Variants in MAP7D2 observed in about 807,000 individuals in gnomAD.
MAP7D2 encodes MAP7 domain-containing protein 2.
Under a neutral mutation model 63.5 loss-of-function variants are expected in MAP7D2, and 33 were observed. The ratio of observed to expected loss-of-function variants is 0.52; its 90% CI spans 0.39 to 0.70. The LOEUF (loss-of-function observed/expected upper bound fraction) is 0.70. Ranked by LOEUF, MAP7D2 falls within the 30% of genes least tolerant of loss-of-function variation. The probability of loss-of-function intolerance (pLI) is 0.00; values close to 1 mark genes in which losing one functional copy is unlikely to be tolerated. For synonymous variants in MAP7D2, 224 were observed against 223.7 expected (o/e 1.00, Z -0.01); for missense variants, 626 against 604.0 (o/e 1.04, Z -0.38).
At chrX:20,030,451 T>A (rs1177504614) in intron 8 of MAP7D2, among the ~76,000 whole-genome samples, 4 of 112,093 alleles carry the variant, frequency 3.6e-5, no homozygotes, top group Non-Finnish European at 7.5e-5. Context: ...CATAAGGCAG[T>A]ATGATATAAC....
At chrX:20,026,432 G>A (rs2073846730) in intron 8 of MAP7D2, among the ~76,000 whole-genome samples, 1 of 111,497 alleles carries the variant, frequency 9.0e-6, no homozygotes, top group East Asian at 2.8e-4. Context: ...TCAGCCCCTG[G>A]CAATCACCCT....
At chrX:20,009,859 G>T (rs1375540186) in intron 16 of MAP7D2, among the ~76,000 whole-genome samples, 3 of 109,029 alleles carry the variant, frequency 2.8e-5, no homozygotes, top group African/African-American at 1.0e-4. Flanking sequence ...AGCTGGGCCT[G>T]GTGGCATGTG....
intron 8 of MAP7D2, among the ~76,000 whole-genome samples, chrX:20,041,394 A>C (rs1176048170): frequency 8.9e-6 from 1 of 112,222 alleles, no homozygotes; most frequent in Non-Finnish European, 1.9e-5. Context: ...TGTGCTATGG[A>C]AAGATTTTCC....
rs1236976171 is a variant in MAP7D2 at position 20,027,983 on chromosome X, A to G, written c.1008-2031T>C. Among the ~76,000 whole-genome samples, 6 of 110,625 alleles carry G rather than the reference A, an allele frequency of 5.4e-5. No individual in the cohort carries two copies. In the East Asian group the frequency reaches 1.7e-3, roughly 32 times the overall value. On this transcript the variant is annotated intron_variant, in intron 8 of 16. Transcript: ENST00000379643. ...GCACGTTGAGTCCTCATGTGTTCTGACACAGTCAGACCAGGTCCTTACCCT... is the reference window on the plus strand; with the variant it reads ...GCACGTTGAGTCCTCATGTGTTCTGGCACAGTCAGACCAGGTCCTTACCCT...
intron 1 of MAP7D2, among the ~76,000 whole-genome samples, chrX:20,106,674 A>C (rs1355292888): frequency 8.9e-6 from 1 of 112,641 alleles, no homozygotes; most frequent in Non-Finnish European, 1.9e-5. Flanking sequence ...CTAGAAGTGT[A>C]AAATAGACAT....
At chrX:20,050,428 G>T (rs2064915433) in intron 6 of MAP7D2, among the ~76,000 whole-genome samples, 3 of 112,073 alleles carry the variant, frequency 2.7e-5, no homozygotes, top group Non-Finnish European at 5.6e-5. Context: ...CCATCTTATA[G>T]ATGAGAAAAC....
At chrX:20,067,527 A>C (rs1467082340) in intron 1 of MAP7D2, among the ~76,000 whole-genome samples, 1 of 111,375 alleles carries the variant, frequency 9.0e-6, no homozygotes, top group Non-Finnish European at 1.9e-5. Context: ...CAGCCCAACC[A>C]CCCTATGATG....
chrX:20,106,029 G>C (rs755606697), intron 1 of MAP7D2, among the ~76,000 whole-genome samples: 1 of 111,849 alleles, frequency 8.9e-6, no homozygotes, highest in African/African-American at 3.2e-5. Context: ...GATACAGAGA[G>C]AGCAAATGGG....
At chrX:20,068,433 C>T (rs1044865020) in intron 1 of MAP7D2, among the ~76,000 whole-genome samples, 1 of 112,238 alleles carries the variant, frequency 8.9e-6, no homozygotes, top group African/African-American at 3.2e-5. Context: ...TTCTTCCACA[C>T]AGCATCTGCT....
intron 1 of MAP7D2, among the ~76,000 whole-genome samples, chrX:20,070,862 C>T (rs1319395038): frequency 8.9e-6 from 1 of 112,317 alleles, no homozygotes; most frequent in Non-Finnish European, 1.9e-5. Flanking sequence ...GCTTGAAGTA[C>T]TCTCCTATAG....
At chrX:20,091,096 A>C in intron 1 of MAP7D2, among the ~76,000 whole-genome samples, 1 of 99,138 alleles carries the variant, frequency 1.0e-5, no homozygotes, top group African/African-American at 3.8e-5. Flanking sequence ...CTTGTTGCCC[A>C]GGCTGGAGTG....
chrX:20,079,884 C>G (rs886740600), intron 1 of MAP7D2, among the ~76,000 whole-genome samples: 1 of 111,387 alleles, frequency 9.0e-6, no homozygotes, highest in Non-Finnish European at 1.9e-5. Context: ...GGAAACCCCC[C>G]ACAACTTCCT....
chrX:20,010,602 T>C (rs1464254528), intron 16 of MAP7D2, among the ~76,000 whole-genome samples, 175 bp downstream of exon 16: 2 of 112,127 alleles, frequency 1.8e-5, no homozygotes, highest in Non-Finnish European at 3.8e-5. Context: ...GGCTCGCAGA[T>C]GAATTAATTG....
chrX:20,088,896 C>T (rs776430212), intron 1 of MAP7D2, among the ~76,000 whole-genome samples: 3 of 109,984 alleles, frequency 2.7e-5, no homozygotes, highest in Non-Finnish European at 5.7e-5. Context: ...TGCAGTGGCA[C>T]GATCTCGGCT....
chrX:20,057,519 T>C (rs2065096249), intron 3 of MAP7D2, among the ~76,000 whole-genome samples: 1 of 111,415 alleles, frequency 9.0e-6, no homozygotes, highest in Admixed American at 9.5e-5. Context: ...CGTAACAGTA[T>C]TTATCAAAAA....
At chrX:20,018,334 T>C (rs2073493518) in intron 10 of MAP7D2, among the ~76,000 whole-genome samples, 1 of 110,035 alleles carries the variant, frequency 9.1e-6, no homozygotes, top group Non-Finnish European at 1.9e-5. Flanking sequence ...AACATCCTTA[T>C]GGCCCCTGAA....
At chrX:20,038,088 C>T (rs1369567877) in intron 8 of MAP7D2, among the ~76,000 whole-genome samples, 1 of 111,696 alleles carries the variant, frequency 9.0e-6, no homozygotes, top group Admixed American at 9.5e-5. Flanking sequence ...TCTGAGCCCT[C>T]GATATGCACC....
At chrX:20,046,422 GC>G (rs1277786571) in intron 6 of MAP7D2, among the ~76,000 whole-genome samples, 1 of 112,736 alleles carries the variant, frequency 8.9e-6, no homozygotes, top group Non-Finnish European at 1.9e-5. Context: ...GACTCTTTCA[GC>G]CATCCCTGAC....
At chrX:20,054,731 G>A (rs1161534543) in intron 4 of MAP7D2, among the ~76,000 whole-genome samples, 1 of 111,331 alleles carries the variant, frequency 9.0e-6, no homozygotes, top group Admixed American at 9.5e-5. Context: ...CCAGGCACCC[G>A]CCACCACACT....
Sources: allele counts gnomAD v4.1 joint callset (sites outside exome capture counted in the v4.1 genomes callset), GRCh38; gene constraint gnomAD v4.1.1; transcripts MANE v1.5; gene names NCBI Gene and HGNC (gene_info 2026-07-23, HGNC 2026-07-21).